The following MTA3 variants were observed in gnomAD, a reference collection of about 807,000 sequenced individuals.
MTA3 encodes the protein metastasis associated 1 family member 3, also known as metastasis-associated protein MTA3.
Under a neutral mutation model 83.5 loss-of-function variants are expected in MTA3, and 34 were observed. The ratio of observed to expected loss-of-function variants is 0.41; its 90% confidence interval spans 0.31 to 0.54. MTA3 has a LOEUF of 0.54. MTA3 is among the 20% of genes least tolerant of loss of function. MTA3 has a pLI of 0.33. For synonymous variants in MTA3, 303 were observed against 252.7 expected, an observed-to-expected ratio of 1.20 and a Z score of -1.89; for missense variants, 761 against 726.4, an observed-to-expected ratio of 1.05 and a Z score of -0.55.
At chr2:42,667,747 A>G (rs373301388) in intron 8 of MTA3, among the ~76,000 whole-genome samples, 9 of 151,926 alleles carry the variant, frequency 5.9e-5, no homozygotes, top group African/African-American at 2.2e-4. Context: ...TGATCCTCCT[A>G]CTTGAGCCTA....
At chr2:42,552,525 G>A (rs374471316) in intron 2 of MTA3, among the ~76,000 whole-genome samples, 259 of 151,868 alleles carry the variant, frequency 1.7e-3, no homozygotes, top group African/African-American at 6.0e-3. Context: ...TGGGAAGTGA[G>A]GTGAGAGGAT....
At chr2:42,575,601 T>C (rs1678952851) in intron 2 of MTA3, among the ~76,000 whole-genome samples, 2 of 152,066 alleles carry the variant, frequency 1.3e-5, no homozygotes, top group South Asian at 4.1e-4. Flanking sequence ...ATCAACCATA[T>C]AGTCCCACAA....
At chr2:42,518,968 AACACACACACACACACACACAC>A (rs60877713) in intron 2 of MTA3, among the ~76,000 whole-genome samples, 2,419 of 114,678 alleles carry the variant, frequency 0.021, 66 homozygotes, top group African/African-American at 0.067. Flanking sequence ...CCTTTCTCAA[AACACACACACACACACACACAC>A]ACACACACAC....
At chr2:42,749,553 C>T (rs1276437544) in intron 16 of MTA3, among the ~76,000 whole-genome samples, 1 of 152,052 alleles carries the variant, frequency 6.6e-6, no homozygotes, top group Non-Finnish European at 1.5e-5. Flanking sequence ...CTGCAACCTC[C>T]GCCTCCTGGG....
chr2:42,655,895 A>T (rs891665710), intron 6 of MTA3, among the ~76,000 whole-genome samples: 1 of 151,894 alleles, frequency 6.6e-6, no homozygotes, highest in Non-Finnish European at 1.5e-5. Flanking sequence ...AGGCCACCGC[A>T]CCCAGCCTGT....
At position 42,518,175 on chromosome 2, in the gene MTA3, G is replaced by A. The variant is rs142644461; in HGVS notation, c.-141+22921G>A. On this transcript the variant is annotated intron_variant, in intron 2 of 17. Transcript: ENST00000405592. Reference sequence around the variant, plus strand: ...CAGCCTGGGTGACAGAGTGAAACTCGGTCTCAAAAAAAAAGAAAATAAAAG... The same window carrying A: ...CAGCCTGGGTGACAGAGTGAAACTCAGTCTCAAAAAAAAAGAAAATAAAAG... Among the ~76,000 whole-genome samples, 612 of 151,898 alleles carry A rather than the reference G, an allele frequency of 4.0e-3. 5 individuals carry two copies. Among genetic ancestry groups the A allele is most frequent in the African/African-American group, 0.014 (577 of 41,410 alleles).
intron 2 of MTA3, among the ~76,000 whole-genome samples, chr2:42,545,189 G>A (rs1021746723): frequency 1.3e-5 from 2 of 152,142 alleles, no homozygotes; most frequent in Middle Eastern, 6.8e-3. Context: ...GCCAGCCTGG[G>A]CAACATAGTG....
At chr2:42,726,438 C>A (rs1034021653) in intron 16 of MTA3, among the ~76,000 whole-genome samples, 6 of 151,646 alleles carry the variant, frequency 4.0e-5, no homozygotes, top group African/African-American at 1.2e-4. Context: ...ATGTGCCATG[C>A]TGGTGTGCTG....
chr2:42,696,998 T>G (rs1279883182), intron 10 of MTA3, among the ~76,000 whole-genome samples: 1 of 152,224 alleles, frequency 6.6e-6, no homozygotes, highest in Non-Finnish European at 1.5e-5. Context: ...TCCAAAAACT[T>G]CAACCCTGTT....
intron 10 of MTA3, among the ~76,000 whole-genome samples, chr2:42,696,587 A>G (rs929747948): frequency 6.6e-6 from 1 of 152,194 alleles, no homozygotes; most frequent in African/African-American, 2.4e-5. Flanking sequence ...GATGCTATAA[A>G]AAAATTTTAT....
chr2:42,670,346 T>G (rs1003162793), intron 8 of MTA3, among the ~76,000 whole-genome samples: 4 of 152,190 alleles, frequency 2.6e-5, no homozygotes, highest in African/African-American at 9.6e-5. Context: ...TCATCCAGAT[T>G]CCCCAGTTGT....
intron 14 of MTA3, among the ~76,000 whole-genome samples, chr2:42,711,783 AGTGTGTGT>A (rs763894802): frequency 2.0e-5 from 3 of 147,744 alleles, no homozygotes; most frequent in East Asian, 2.0e-4. Context: ...AGAGAGAGAG[AGTGTGTGT>A]GTGTGTGTGT....
intron 3 of MTA3, among the ~76,000 whole-genome samples, chr2:42,594,938 A>G (rs192754351): frequency 5.4e-4 from 79 of 147,368 alleles, no homozygotes; most frequent in Admixed American, 1.3e-3. Context: ...ATTTTTTAGT[A>G]GAGATGGGGT....
chr2:42,742,876 T>C (rs957187193), intron 16 of MTA3, among the ~76,000 whole-genome samples: 3 of 152,248 alleles, frequency 2.0e-5, no homozygotes, highest in African/African-American at 4.8e-5. Flanking sequence ...ATATGACTTA[T>C]GGATTTGCTT....
At position 42,591,787 on chromosome 2, in the gene MTA3, A is replaced by G. The variant is rs1681037908; in HGVS notation, c.190+12587A>G. 3.9e-5 allele frequency among the ~76,000 whole-genome samples: 6 copies of G among 152,108 alleles called. No homozygotes were observed. In the South Asian group the frequency reaches 1.2e-3, roughly 31 times the overall value. ...TGCCTCAGCCTCCCGAGTAGCTGAG[A>G]TGACAGGTGCACACCACCACGCCCA... On this transcript the variant is annotated intron_variant, in intron 3 of 16. Coordinates refer to ENST00000405094, the MANE Select transcript of MTA3 (RefSeq NM_001330442.2).
chr2:42,494,646 G>C (rs1012467012), exon 1 of MTA3: 1 of 152,270 alleles, frequency 6.6e-6, no homozygotes, highest in African/African-American at 2.4e-5. Flanking sequence ...TGGGGCGCGA[G>C]TCCTGAGAAG....
At chr2:42,667,634 A>T (rs1311563373) in intron 8 of MTA3, among the ~76,000 whole-genome samples, 12 of 149,114 alleles carry the variant, frequency 8.0e-5, no homozygotes, top group South Asian at 2.2e-4. Flanking sequence ...AGAGAGAGAG[A>T]GAGAGAGAGA....
chr2:42,746,637 T>G (rs972162693), intron 16 of MTA3, among the ~76,000 whole-genome samples: 12 of 152,216 alleles, frequency 7.9e-5, no homozygotes, highest in African/African-American at 2.9e-4. Flanking sequence ...AATCAGGAAT[T>G]CCACAACCCC....
intron 2 of MTA3, among the ~76,000 whole-genome samples, chr2:42,538,220 G>A (rs550628744): frequency 6.6e-5 from 10 of 151,724 alleles, no homozygotes; most frequent in African/African-American, 9.7e-5. Context: ...GCGACACAGC[G>A]AGACTCTGTC....
Sources: gnomAD v4.1 joint callset for allele counts (sites outside exome capture counted in the v4.1 genomes callset) on GRCh38, gnomAD v4.1.1 for gene constraint, MANE v1.5 for transcripts, NCBI Gene and HGNC (gene_info 2026-07-23, HGNC 2026-07-21) for gene names.